PRAMEF1: variants seen among roughly 807,000 people sequenced by gnomAD.
PRAMEF1 encodes the protein PRAME family member 1.
A neutral mutation model predicts 38.2 loss-of-function variants in PRAMEF1; 21 were observed. The observed-to-expected ratio is 0.55, with a 90% CI of 0.39 to 0.79. The LOEUF (loss-of-function observed/expected upper bound fraction) is 0.79, where lower values mean the gene tolerates loss of function less well. PRAMEF1 is among the 30% of genes least tolerant of loss of function. The pLI is 0.00. For missense variants in PRAMEF1, 497 were observed against 565.8 expected (o/e 0.88, Z 1.23); for synonymous variants, 200 against 229.0 (o/e 0.87, Z 1.14).
Position 12,793,976 on chromosome 1 carries a change from C to A in PRAMEF1, c.349C>A (p.Pro117Thr), listed in dbSNP as rs141554509. The A allele has an allele frequency of 6.2e-7, 1 of 1,608,194 alleles. No individual in the cohort carries two copies. The highest frequency in any genetic ancestry group is 1.7e-5 in the Admixed American group (1 of 59,672). ...DVDENFWARWPGAWALSCFPE... is the reference protein window; with the variant it reads ...DVDENFWARWTGAWALSCFPE... The stretch of plus-strand genomic sequence containing the variant: ...TGACGAGAATTTCTGGGCCAGATGG[C>A]CTGGAGCCTGGGCCCTGTCCTGCTT... Residue 117 changes from proline to threonine, a missense_variant, in exon 3 of 4, where the codon CCT becomes ACT. Around this residue, in one of 2 missense-constraint regions of PRAMEF1, gnomAD observed 470 missense variants for 501.9 expected, o/e 0.94. Coordinates refer to ENST00000332296, the MANE Select transcript of PRAMEF1 (RefSeq NM_023013.4).
intron 1 of PRAMEF1, among the ~76,000 whole-genome samples, chr1:12,792,518 G>T (rs1338890085): frequency 6.6e-6 from 1 of 151,176 alleles, no homozygotes; most frequent in African/African-American, 2.4e-5. Flanking sequence ...TGCCTCCAGA[G>T]TAGCTAGGAT....
At position 12,795,516 on chromosome 1, in the gene PRAMEF1, G is replaced by A. The variant is rs781777882; in HGVS notation, c.945G>A (p.Gln315=). The change falls in exon 4 of 4, where the codon CAG becomes CAA. Residue 315 remains glutamine, a synonymous_variant. Transcript: ENST00000332296. ...AAGAAGACATGAAGTGTCTCTCCCAGTACCCAAGCCTCGGTTACCTAAAGC... is the reference window on the plus strand; with the variant it reads ...AAGAAGACATGAAGTGTCTCTCCCAATACCCAAGCCTCGGTTACCTAAAGC... ...LLEEDMKCLS[Q]YPSLGYLKHL... 15 of 1,612,356 alleles carry A rather than the reference G, an allele frequency of 9.3e-6. No individual in the cohort carries two copies. The highest frequency in any genetic ancestry group is 1.3e-5 in the African/African-American group (1 of 74,742).
In PRAMEF1 at chr1:12,793,055, G is replaced by A. The variant is rs1639321626; in HGVS notation, c.-25-148G>A. 51 of 1,109,818 alleles carry A rather than the reference G, an allele frequency of 4.6e-5. 3 individuals are homozygous for A. In the South Asian group the frequency reaches 7.4e-4, roughly 16 times the overall value. 68.7% of individuals were successfully genotyped at this position (1,109,818 alleles called of 1,614,324 possible). The stretch of plus-strand genomic sequence containing the variant: ...CACTGTCCGGTGGTTCTGGGATTCA[G>A]TGGAGCAATGGAAGAAAATTAATAA... On this transcript the variant is annotated intron_variant, in intron 1 of 3. Coordinates refer to ENST00000332296, the MANE Select transcript of PRAMEF1 (RefSeq NM_023013.4).
At chr1:12,791,648 T>C (rs1210376872) in intron 1 of PRAMEF1, among the ~76,000 whole-genome samples, 174 bp downstream of exon 1, 1 of 150,514 alleles carries the variant, frequency 6.6e-6, no homozygotes, top group Non-Finnish European at 1.5e-5. Context: ...CATCAAATTG[T>C]GATTTGTGCT....
Position 12,795,555 on chromosome 1 carries a change from C to T in PRAMEF1, c.984C>T (p.Ser328=). ...SLGYLKHLNL[S]YVLLFRISLE... ...GTTACCTAAAGCATCTGAATCTCAG[C>T]TACGTGCTGCTGTTCCGCATCAGTC... The change falls in exon 4 of 4, where the codon AGC becomes AGT. Residue 328 remains serine, a synonymous_variant. Transcript: ENST00000332296. 1.2e-6 allele frequency: 2 copies of T among 1,612,504 alleles called. No individual in the cohort carries two copies. The highest frequency in any genetic ancestry group is 1.9e-4 in the Middle Eastern group (1 of 5,224).
Position 12,794,771 on chromosome 1 carries a change from C to T in PRAMEF1, c.866+278C>T, listed in dbSNP as rs1050384839. ...GGGTTTCAGCTCTATTGGGGGTGCA[C>T]GTGTGAATTTCCTGTTACAAAGTGT... On this transcript the variant is annotated intron_variant, in intron 3 of 3. Transcript: ENST00000332296. The T allele has an allele frequency of 6.9e-5, 94 of 1,355,060 alleles. 2 individuals are homozygous for T. Among genetic ancestry groups the T allele is most frequent in the South Asian group, 4.2e-4 (29 of 68,536 alleles). The allele number at this position is 1,355,060 out of a possible 1,614,324, so 83.9% of individuals were successfully genotyped here.
rs4989043 is a variant in PRAMEF1, at chr1:12,793,789, T to G, written c.288-126T>G. 257 of 1,415,588 alleles carry G rather than the reference T, an allele frequency of 1.8e-4. 11 individuals carry two copies. The East Asian group carries it at 4.7e-3, about 26-fold the overall frequency. The allele number at this position is 1,415,588 out of a possible 1,614,324, so 87.7% of individuals were successfully genotyped here. A position where few individuals can be genotyped will look rare whatever the true frequency, so the allele number is the denominator to read the frequency against. ...GTCAGAATCAAAAGGGAACAGGGAT[T>G]GAGAAAAGACAAAGAGAACAGGGAG... On this transcript the variant is annotated intron_variant, in intron 2 of 3. Transcript: ENST00000332296.
At position 12,793,208 on chromosome 1, in the gene PRAMEF1, T is replaced by C; in HGVS notation, c.-20T>C. On this transcript the variant is annotated 5_prime_UTR_variant, in exon 2 of 4. Transcript: ENST00000332296. ...TCCCTGGATTTGTCTTCTAGAGATTTTCCTTGCAGATCTATCAGGATGAGC... is the reference window on the plus strand; with the variant it reads ...TCCCTGGATTTGTCTTCTAGAGATTCTCCTTGCAGATCTATCAGGATGAGC... 6.2e-7 allele frequency: 1 copy of C among 1,606,424 alleles called. No homozygotes were observed. The highest frequency in any genetic ancestry group is 8.5e-7 in the Non-Finnish European group (1 of 1,176,936).
At position 12,794,295 on chromosome 1, in the gene PRAMEF1, A is replaced by G. The variant is rs1429722706; in HGVS notation, c.668A>G (p.Lys223Arg). Reference protein sequence around the residue: ...RNMSWPRLIRKLRCYLKEMKN... With the variant: ...RNMSWPRLIRRLRCYLKEMKN... ...ATGTCCTGGCCACGTCTGATAAGAA[A>G]GCTTCGTTGTTACCTGAAGGAGATG... is the stretch of plus-strand genomic sequence containing the variant. The change falls in exon 3 of 4, where the codon AAG becomes AGG. Residue 223 changes from lysine (K) to arginine (R), a missense_variant. This residue lies in a region of PRAMEF1 where 470 missense variants were observed against 501.9 expected (regional missense o/e 0.94). Coordinates refer to ENST00000332296, the MANE Select transcript of PRAMEF1 (RefSeq NM_023013.4). The G allele has an allele frequency of 1.9e-6, 3 of 1,612,148 alleles. No individual in the cohort carries two copies. Among genetic ancestry groups the G allele is most frequent in the East Asian group, 2.2e-5 (1 of 44,646 alleles).
Position 12,795,827 on chromosome 1 carries a change from T to G in PRAMEF1, c.1256T>G (p.Leu419Trp). The change falls in exon 4 of 4, where the codon TTG becomes TGG. Residue 419 changes from leucine to tryptophan, a missense_variant. Transcript: ENST00000332296. Reference sequence around the variant, plus strand: ...ACGTATCCTGCCCCTGAGGAGAGTTTGAATTCCTTGGTTCGTGTCAATTGG... The same window carrying G: ...ACGTATCCTGCCCCTGAGGAGAGTTGGAATTCCTTGGTTCGTGTCAATTGG... ...LETYPAPEES[L>W]NSLVRVNWEI... The G allele has an allele frequency of 2.5e-6, 4 of 1,610,618 alleles. No homozygotes were observed. Among genetic ancestry groups the G allele is most frequent in the Non-Finnish European group, 3.4e-6 (4 of 1,179,412 alleles).
At position 12,792,080 on chromosome 1, in the gene PRAMEF1, T is replaced by G. The variant is rs537201445; in HGVS notation, c.-26+606T>G. ...TATTGTTGCCCAGGCTGCAGTGCCA[T>G]GGTGTGATTTGGCTCACTGAAATTT... On this transcript the variant is annotated intron_variant, in intron 1 of 3. Transcript: ENST00000332296. Among the ~76,000 whole-genome samples the G allele has an allele frequency of 4.6e-5, 7 of 151,168 alleles. 2 individuals carry two copies. The South Asian group carries it at 1.5e-3, about 32-fold the overall frequency.
rs1305233032 is a variant in PRAMEF1 at position 12,794,363 on chromosome 1, A to C, written c.736A>C (p.Thr246Pro). The change falls in exon 3 of 4, where the codon ACG becomes CCG. Residue 246 changes from threonine (T) to proline (P), a missense_variant. By Grantham distance (38) the Thr-to-Pro change is conservative. This residue lies in a region of PRAMEF1 where 470 missense variants were observed against 501.9 expected (regional missense o/e 0.94). Coordinates refer to ENST00000332296, the MANE Select transcript of PRAMEF1 (RefSeq NM_023013.4). ...KLVFSRCHHY[T>P]SDNELEGRLV... ...CGTTTTCTCCAGGTGCCATCATTACACGTCAGATAATGAACTCGAAGGACG... is the reference window on the plus strand; with the variant it reads ...CGTTTTCTCCAGGTGCCATCATTACCCGTCAGATAATGAACTCGAAGGACG... 3 of 1,612,144 alleles carry C rather than the reference A, an allele frequency of 1.9e-6. No individual in the cohort carries two copies. Among genetic ancestry groups the C allele is most frequent in the Non-Finnish European group, 2.5e-6 (3 of 1,179,020 alleles).
At chr1:12,793,793 A>G in intron 2 of PRAMEF1, 122 bp from the exon 3 acceptor site, 1 of 1,425,956 alleles carries the variant, frequency 7.0e-7, no homozygotes. Flanking sequence ...AGGGATTGAG[A>G]AAAGACAAAG....
In PRAMEF1 at chr1:12,792,324, A is replaced by C. The variant is rs565795643; in HGVS notation, c.-26+850A>C. ...TGAGTGAGCCACCGCGCCCAGCTAC[A>C]GTTAGCATTTCTATACATACCTTCC... is the stretch of plus-strand genomic sequence containing the variant. On this transcript the variant is annotated intron_variant, in intron 1 of 3. Coordinates refer to ENST00000332296, the MANE Select transcript of PRAMEF1 (RefSeq NM_023013.4). Among the ~76,000 whole-genome samples the C allele has an allele frequency of 4.0e-5, 6 of 151,466 alleles. No homozygotes were observed. The East Asian group carries it at 1.2e-3, about 30-fold the overall frequency.
chr1:12,793,046 T>G (rs1001676247), intron 1 of PRAMEF1, among the ~76,000 whole-genome samples, 157 bp from the exon 2 acceptor site: 2 of 151,114 alleles, frequency 1.3e-5, no homozygotes, highest in African/African-American at 4.9e-5. Context: ...CCGGTGGTTC[T>G]GGGATTCAGT....
At chr1:12,793,610 T>C in intron 2 of PRAMEF1, 96 bp downstream of exon 2, 2 of 1,548,286 alleles carry the variant, frequency 1.3e-6, no homozygotes, top group Non-Finnish European at 1.8e-6. Context: ...TGGCCCAGAG[T>C]CTTCTGATGG....
intron 1 of PRAMEF1, among the ~76,000 whole-genome samples, chr1:12,792,308 C>T (rs1038641631): frequency 1.3e-5 from 2 of 151,140 alleles, no homozygotes; most frequent in Non-Finnish European, 3.0e-5. Context: ...ATGAGTGAGC[C>T]ACCGCGCCCA....
In PRAMEF1 at chr1:12,796,533, A is replaced by C. The variant is rs1639409908; in HGVS notation, c.*537A>C. The stretch of plus-strand genomic sequence containing the variant: ...ATCCATCAGAAATCTCTAGTTATCG[A>C]GTTACGGATGGAAAAATAACGAAAT... On this transcript the variant is annotated 3_prime_UTR_variant, in exon 4 of 4. Transcript: ENST00000332296. 6.4e-6 allele frequency: 1 copy of C among 155,426 alleles called. No homozygotes were observed. The highest frequency in any genetic ancestry group is 1.9e-4 in the East Asian group (1 of 5,152). The allele number at this position is 155,426 out of a possible 1,614,324, so 9.6% of individuals were successfully genotyped here. A position where few individuals can be genotyped will look rare whatever the true frequency, so the allele number is the denominator to read the frequency against.
At position 12,795,858 on chromosome 1, in the gene PRAMEF1, C is replaced by T; in HGVS notation, c.1287C>T (p.Ile429=). The change falls in exon 4 of 4, where the codon ATC becomes ATT. Residue 429 remains isoleucine, a synonymous_variant. Transcript: ENST00000332296. ...LNSLVRVNWE[I]FTPLRAELMC... ...CCTTGGTTCGTGTCAATTGGGAGAT[C>T]TTCACCCCACTTCGGGCTGAGCTGA... The T allele has an allele frequency of 6.2e-7, 1 of 1,610,992 alleles. No individual in the cohort carries two copies. Among genetic ancestry groups the T allele is most frequent in the Non-Finnish European group, 8.5e-7 (1 of 1,179,696 alleles).
Sources: allele counts gnomAD v4.1 joint callset (sites outside exome capture counted in the v4.1 genomes callset), GRCh38; gene constraint gnomAD v4.1.1; regional missense constraint gnomAD v4.1.1; transcripts MANE v1.5; gene names NCBI Gene and HGNC (gene_info 2026-07-23, HGNC 2026-07-21).